Variants in PCDHA13 observed in about 807,000 individuals in gnomAD.
PCDHA13 encodes the protein protocadherin alpha 13.
In PCDHA13, 54 loss-of-function variants were observed where a neutral mutation model predicts 64.8. That is an observed-to-expected ratio of 0.83 (90% CI 0.67 to 1.04). The LOEUF (loss-of-function observed/expected upper bound fraction) is 1.04. PCDHA13 is among the 50% of genes least tolerant of loss of function. PCDHA13 has a pLI of 0.00. For missense variants in PCDHA13, 1,248 were observed against 1,254.3 expected (o/e 0.99, Z 0.08); for synonymous variants, 587 against 564.4 (o/e 1.04, Z -0.57).
At chr5:140,995,281 A>G (rs1159938577) in intron 3 of PCDHA13, among the ~76,000 whole-genome samples, 1 of 152,144 alleles carries the variant, frequency 6.6e-6, no homozygotes. Context: ...TGATACCAAA[A>G]CAGCCAGTCG....
intron 3 of PCDHA13, among the ~76,000 whole-genome samples, chr5:140,994,878 A>G (rs1034578696): frequency 2.0e-5 from 3 of 152,170 alleles, no homozygotes; most frequent in Non-Finnish European, 4.4e-5. Context: ...GAATAAAGAG[A>G]TGTTAGGAAA....
chr5:140,999,431 C>G (rs1554256799), intron 3 of PCDHA13, among the ~76,000 whole-genome samples: 1 of 152,134 alleles, frequency 6.6e-6, no homozygotes, highest in African/African-American at 2.4e-5. Context: ...GGCCAAGTAC[C>G]TTGCCTCTTA....
chr5:141,000,555 G>A (rs1395458694), intron 3 of PCDHA13, among the ~76,000 whole-genome samples: 1 of 148,762 alleles, frequency 6.7e-6, no homozygotes, highest in Non-Finnish European at 1.5e-5. Context: ...AAACTCCCGA[G>A]TAGCTGGGAT....
intron 1 of PCDHA13, chr5:140,967,958 C>T (rs202159883): frequency 5.6e-6 from 9 of 1,614,182 alleles, no homozygotes; most frequent in East Asian, 2.2e-5. Flanking sequence ...AGGCCCCAAC[C>T]GGAAAGTGAG....
chr5:140,905,948 G>A (rs2072228532), intron 1 of PCDHA13, among the ~76,000 whole-genome samples: 3 of 152,180 alleles, frequency 2.0e-5, no homozygotes, highest in Non-Finnish European at 4.4e-5. Flanking sequence ...CTTGGAATCC[G>A]ATGTTCAAGG....
intron 1 of PCDHA13, among the ~76,000 whole-genome samples, chr5:140,941,191 T>TTTTTC (rs1554213809): frequency 1.8e-4 from 17 of 93,256 alleles, no homozygotes; most frequent in Middle Eastern, 5.1e-3. Context: ...GCTTCTTTTT[T>TTTTTC]TTTCTTTCTT....
At chr5:140,920,638 G>T (rs1245142321) in intron 1 of PCDHA13, among the ~76,000 whole-genome samples, 2 of 152,114 alleles carry the variant, frequency 1.3e-5, no homozygotes, top group African/African-American at 4.8e-5. Flanking sequence ...AAGGTCAAGA[G>T]ATTGAGACCA....
rs10076265 is a variant in PCDHA13 at position 140,884,506 on chromosome 5, G to A, written c.2238G>A (p.Gly746=). 61 of 1,614,172 alleles carry A rather than the reference G, an allele frequency of 3.8e-5. No homozygotes were observed. In the South Asian group the frequency reaches 5.9e-4, roughly 16 times the overall value. ...CTCTAGTGTGCTCCAGCGCGGCAGG[G>A]AGTTGGTCGTACTCGCAGCAGAGGC... ...KPTLVCSSAA[G]SWSYSQQRRP... Residue 746 remains glycine (G), a synonymous_variant, in exon 1 of 4, where the codon GGG becomes GGA. Transcript: ENST00000289272.
chr5:140,963,766 A>G (rs574963836), intron 1 of PCDHA13, among the ~76,000 whole-genome samples: 1 of 152,372 alleles, frequency 6.6e-6, no homozygotes, highest in South Asian at 2.1e-4. Flanking sequence ...GTTGTATTTC[A>G]TGACGACAGC....
intron 3 of PCDHA13, among the ~76,000 whole-genome samples, chr5:140,986,632 A>T (rs1262339478): frequency 6.6e-6 from 1 of 152,170 alleles, no homozygotes; most frequent in African/African-American, 2.4e-5. Flanking sequence ...AGGCAACAGT[A>T]CATTAGTTTT....
chr5:140,967,966 G>A, intron 1 of PCDHA13: 1 of 1,614,214 alleles, frequency 6.2e-7, no homozygotes, highest in African/African-American at 1.3e-5. Context: ...ACCGGAAAGT[G>A]AGCCTGGGTC....
chr5:141,006,343 C>T (rs1036137270), intron 3 of PCDHA13, among the ~76,000 whole-genome samples: 41 of 152,038 alleles, frequency 2.7e-4, no homozygotes, highest in African/African-American at 8.9e-4. Context: ...TCCTGAGTAG[C>T]TGGGACTATA....
At chr5:140,917,259 T>C (rs1246984274) in intron 1 of PCDHA13, among the ~76,000 whole-genome samples, 2 of 151,338 alleles carry the variant, frequency 1.3e-5, no homozygotes, top group East Asian at 3.9e-4. Flanking sequence ...GCTCACCTGA[T>C]GTTTGGTTTT....
intron 1 of PCDHA13, chr5:140,968,218 A>C (rs1586280879): frequency 6.2e-7 from 1 of 1,614,012 alleles, no homozygotes. Flanking sequence ...ACAATTTGCC[A>C]GGTGTGTTGC....
intron 1 of PCDHA13, chr5:140,966,538 C>G: frequency 2.2e-6 from 1 of 463,262 alleles, no homozygotes; most frequent in Non-Finnish European, 3.7e-6. Flanking sequence ...GGTTGAGCGA[C>G]TCGGAGGCGA....
At chr5:140,895,036 A>T (rs1207978693) in intron 1 of PCDHA13, among the ~76,000 whole-genome samples, 1 of 151,998 alleles carries the variant, frequency 6.6e-6, no homozygotes, top group Non-Finnish European at 1.5e-5. Flanking sequence ...ATTGTCCCCC[A>T]CCCACACCAT....
intron 1 of PCDHA13, among the ~76,000 whole-genome samples, chr5:140,976,072 T>C (rs1193049661): frequency 6.6e-6 from 1 of 152,250 alleles, no homozygotes; most frequent in South Asian, 2.1e-4. Context: ...TGTCTTACTG[T>C]GTCAGATATA....
At chr5:140,938,885 A>C (rs966791166) in intron 1 of PCDHA13, among the ~76,000 whole-genome samples, 9 of 152,144 alleles carry the variant, frequency 5.9e-5, no homozygotes, top group Non-Finnish European at 1.2e-4. Flanking sequence ...CAACACACAC[A>C]CACACAGATG....
At position 140,884,483 on chromosome 5, in the gene PCDHA13, C is replaced by G. The variant is rs376374275; in HGVS notation, c.2215C>G (p.Leu739Val). The G allele has an allele frequency of 3.7e-6, 6 of 1,613,980 alleles. 1 individual carries two copies. In the South Asian group the frequency reaches 5.5e-5, roughly 15 times the overall value. Residue 739 changes from leucine (L) to valine (V), a missense_variant, in exon 1 of 4, where the codon CTA becomes GTA. Leu to Val is a conservative substitution (Grantham distance 32). Coordinates refer to ENST00000289272, the MANE Select transcript of PCDHA13 (RefSeq NM_018904.3). ...EGACAPGKPT[L>V]VCSSAAGSWS... The stretch of plus-strand genomic sequence containing the variant: ...CGCGTGCGCGCCGGGCAAGCCCACT[C>G]TAGTGTGCTCCAGCGCGGCAGGGAG...
Sources: gnomAD v4.1 joint callset for allele counts (sites outside exome capture counted in the v4.1 genomes callset) on GRCh38, gnomAD v4.1.1 for gene constraint, MANE v1.5 for transcripts, NCBI Gene and HGNC (gene_info 2026-07-23, HGNC 2026-07-21) for gene names.